PARD3B: variants seen among roughly 807,000 people sequenced by gnomAD.
The protein encoded by PARD3B is partitioning defective 3 homolog B.
Under a neutral mutation model 130.2 loss-of-function variants are expected in PARD3B, and 103 were observed. That is an observed-to-expected ratio of 0.79 (90% confidence interval 0.67 to 0.93). PARD3B has a LOEUF of 0.93. PARD3B is among the 40% of genes least tolerant of loss of function. The pLI is 0.00. For missense variants in PARD3B, 1,609 were observed against 1,499.2 expected (o/e 1.07, Z -1.21); for synonymous variants, 583 against 553.2 (o/e 1.05, Z -0.76).
At chr2:205,069,648 A>C (rs1427597179) in intron 4 of PARD3B, among the ~76,000 whole-genome samples, 1 of 151,942 alleles carries the variant, frequency 6.6e-6, no homozygotes, top group East Asian at 1.9e-4. Flanking sequence ...GACTGATACA[A>C]CTCTGTGGTC....
At chr2:205,057,584 T>C (rs1699774648) in intron 4 of PARD3B, among the ~76,000 whole-genome samples, 2 of 131,588 alleles carry the variant, frequency 1.5e-5, no homozygotes, top group East Asian at 2.2e-4. Flanking sequence ...TGTGTATGTG[T>C]ATACGTATAT....
intron 15 of PARD3B, among the ~76,000 whole-genome samples, chr2:205,214,556 C>T (rs1406592105): frequency 2.0e-5 from 3 of 151,390 alleles, no homozygotes; most frequent in Non-Finnish European, 2.9e-5. Flanking sequence ...ATATTCCATT[C>T]CAAATGGTTT....
chr2:204,589,212 G>C (rs962087776), intron 1 of PARD3B, among the ~76,000 whole-genome samples: 1 of 152,132 alleles, frequency 6.6e-6, no homozygotes, highest in Non-Finnish European at 1.5e-5. Context: ...AGGTGGCAAA[G>C]CATATAAAAC....
At chr2:205,164,041 C>G (rs2034661431) in intron 11 of PARD3B, among the ~76,000 whole-genome samples, 2 of 152,118 alleles carry the variant, frequency 1.3e-5, no homozygotes, top group South Asian at 4.1e-4. Flanking sequence ...CATTTTATTT[C>G]TAACCACAAA....
intron 2 of PARD3B, among the ~76,000 whole-genome samples, chr2:204,842,072 T>C (rs2044277050): frequency 6.6e-6 from 1 of 152,154 alleles, no homozygotes; most frequent in Non-Finnish European, 1.5e-5. Flanking sequence ...CATTTGAAAA[T>C]TCTAATTTTT....
At position 205,116,948 on chromosome 2, in the gene PARD3B, GAATT is replaced by G. The variant is rs1415998169; in HGVS notation, c.681-1968_681-1965del. ...TAAATTGCAACCCAGTGGCCCGAAAGAATTAATTCATCTCCCAAAATGTGAAATT... is the reference window on the plus strand; with the variant it reads ...TAAATTGCAACCCAGTGGCCCGAAAGAATTCATCTCCCAAAATGTGAAATT... On this transcript the variant is annotated intron_variant, in intron 6 of 22. Transcript: ENST00000406610. This position sits in a 1 kb window ranked among gnomAD's most constrained non-coding sequence, Gnocchi z 4.5. 6.6e-6 allele frequency among the ~76,000 whole-genome samples: 1 copy of G among 152,246 alleles called. No individual in the cohort carries two copies. Among genetic ancestry groups the G allele is most frequent in the East Asian group, 1.9e-4 (1 of 5,180 alleles).
chr2:205,411,225 C>T (rs987004781), intron 19 of PARD3B, among the ~76,000 whole-genome samples: 2 of 151,968 alleles, frequency 1.3e-5, no homozygotes, highest in African/African-American at 4.8e-5. Flanking sequence ...GGTTGAGAAA[C>T]CATATTTTAG....
At chr2:204,974,988 G>T (rs1319884803) in intron 3 of PARD3B, among the ~76,000 whole-genome samples, 1 of 152,060 alleles carries the variant, frequency 6.6e-6, no homozygotes, top group African/African-American at 2.4e-5. Flanking sequence ...ATAAATTACT[G>T]GATGAGTCTC....
chr2:205,378,777 G>A (rs978637324), intron 18 of PARD3B, among the ~76,000 whole-genome samples: 6 of 151,760 alleles, frequency 4.0e-5, no homozygotes, highest in South Asian at 2.1e-4. Flanking sequence ...GACTACAGGC[G>A]TGCACCACCA....
chr2:204,584,248 TTTTC>T (rs1475365694), intron 1 of PARD3B, among the ~76,000 whole-genome samples: 2 of 152,200 alleles, frequency 1.3e-5, no homozygotes, highest in African/African-American at 4.8e-5. Flanking sequence ...GGATCAGGTC[TTTTC>T]CTCAAGGTAT....
intron 22 of PARD3B, among the ~76,000 whole-genome samples, chr2:205,571,536 T>C (rs1397212079): frequency 2.0e-5 from 3 of 152,074 alleles, no homozygotes; most frequent in African/African-American, 7.3e-5. Flanking sequence ...GCAAAGAAAA[T>C]ATCTCAAAGA....
intron 2 of PARD3B, among the ~76,000 whole-genome samples, chr2:204,740,082 C>T (rs752614117): frequency 4.6e-5 from 7 of 151,948 alleles, no homozygotes; most frequent in East Asian, 3.9e-4. Flanking sequence ...GATGCCATCT[C>T]GGCTCACTGC....
chr2:205,384,649 G>A (rs958350849), intron 18 of PARD3B, among the ~76,000 whole-genome samples: 8 of 152,084 alleles, frequency 5.3e-5, no homozygotes, highest in African/African-American at 1.9e-4. Flanking sequence ...TTTGTGGTAT[G>A]GGGAGAATCT....
intron 1 of PARD3B, among the ~76,000 whole-genome samples, chr2:204,596,917 A>ACTCTCTCT (rs560128486): frequency 3.2e-4 from 40 of 125,230 alleles, no homozygotes; most frequent in South Asian, 7.5e-4. Flanking sequence ...AAACTCACTC[A>ACTCTCTCT]CTCTCTCTCT....
intron 2 of PARD3B, among the ~76,000 whole-genome samples, chr2:204,790,568 A>G (rs34071867): frequency 0.068 from 10,292 of 152,216 alleles, 474 homozygotes; most frequent in East Asian, 0.17. Flanking sequence ...AATGAATTTT[A>G]TAATGTGGAG....
At chr2:205,418,162 A>G (rs2046845317) in intron 19 of PARD3B, among the ~76,000 whole-genome samples, 1 of 152,092 alleles carries the variant, frequency 6.6e-6, no homozygotes, top group South Asian at 2.1e-4. Context: ...AACTAATGTA[A>G]TCTGTTTTAG....
At chr2:205,216,501 CA>C (rs1191726532) in intron 15 of PARD3B, among the ~76,000 whole-genome samples, 2 of 151,884 alleles carry the variant, frequency 1.3e-5, no homozygotes, top group East Asian at 3.9e-4. Context: ...ATATGTATTA[CA>C]CATATAATAA....
intron 18 of PARD3B, among the ~76,000 whole-genome samples, chr2:205,393,541 C>T (rs1379927168): frequency 1.3e-5 from 2 of 152,202 alleles, no homozygotes; most frequent in African/African-American, 4.8e-5. Flanking sequence ...GATATACAGA[C>T]TTTGTTTCAA....
intron 2 of PARD3B, among the ~76,000 whole-genome samples, chr2:204,838,541 T>G (rs927356361): frequency 6.6e-6 from 1 of 152,018 alleles, no homozygotes; most frequent in African/African-American, 2.4e-5. Flanking sequence ...CAAATAAAAT[T>G]TTTCTTTCAA....
Sources: gnomAD v4.1 joint callset for allele counts (sites outside exome capture counted in the v4.1 genomes callset) on GRCh38, gnomAD v4.1.1 for gene constraint, Gnocchi (gnomAD v3.1) non-coding constraint, MANE v1.5 for transcripts, NCBI Gene and HGNC (gene_info 2026-07-23, HGNC 2026-07-21) for gene names.